ERBIN: variants seen among roughly 807,000 people sequenced by gnomAD.
ERBIN encodes the protein densin-180-like protein.
ERBIN carries 60 observed loss-of-function variants against 158.4 expected under a neutral mutation model. The observed-to-expected ratio is 0.38, with a 90% confidence interval of 0.31 to 0.47. The LOEUF is 0.47. Among genes scored for constraint, ERBIN ranks in the 20% least tolerant of loss-of-function variants. The pLI is 0.99. For synonymous variants in ERBIN, 594 were observed against 557.2 expected, an observed-to-expected ratio of 1.07 and a Z score of -0.93; for missense variants, 1,610 against 1,648.0, an observed-to-expected ratio of 0.98 and a Z score of 0.40.
chr5:65,956,844 C>T (rs1159021965), intron 1 of ERBIN, among the ~76,000 whole-genome samples: 1 of 152,002 alleles, frequency 6.6e-6, no homozygotes, highest in Non-Finnish European at 1.5e-5. Context: ...TTAATAATTC[C>T]ACTTGAAGAT....
At chr5:65,967,998 A>G (rs1464120387) in intron 1 of ERBIN, among the ~76,000 whole-genome samples, 1 of 152,248 alleles carries the variant, frequency 6.6e-6, no homozygotes, top group Non-Finnish European at 1.5e-5. Context: ...CTAAGTGGCA[A>G]CTGTATTAGC....
chr5:65,953,574 T>C (rs1746761066), intron 1 of ERBIN, among the ~76,000 whole-genome samples: 1 of 152,142 alleles, frequency 6.6e-6, no homozygotes, highest in South Asian at 2.1e-4. Flanking sequence ...ATACTCTACC[T>C]TGGGAAAATT....
intron 2 of ERBIN, among the ~76,000 whole-genome samples, chr5:65,992,379 C>CCT (rs1444262126): frequency 6.6e-6 from 1 of 152,064 alleles, no homozygotes; most frequent in Non-Finnish European, 1.5e-5. Context: ...CATCTCCTGA[C>CCT]CTCGTGTTCC....
chr5:66,030,773 A>G (rs1322507404), intron 14 of ERBIN, among the ~76,000 whole-genome samples: 1 of 150,476 alleles, frequency 6.6e-6, no homozygotes, highest in Non-Finnish European at 1.5e-5. Context: ...ATCTCATGAT[A>G]TTGCCCAGGC....
At chr5:66,061,246 A>G (rs1367499335) in intron 21 of ERBIN, among the ~76,000 whole-genome samples, 2 of 150,492 alleles carry the variant, frequency 1.3e-5, no homozygotes, top group Non-Finnish European at 2.9e-5. Context: ...GGGTGCATAT[A>G]TATTTAGGAT....
At chr5:66,050,699 A>G (rs1561425900) in intron 19 of ERBIN, 84 bp from the exon 20 acceptor site, 10 of 811,680 alleles carry the variant, frequency 1.2e-5, no homozygotes. Context: ...CCAGGATGGT[A>G]TAATTGCCAT....
intron 1 of ERBIN, among the ~76,000 whole-genome samples, chr5:65,963,178 A>C (rs992918868): frequency 5.3e-5 from 8 of 152,172 alleles, no homozygotes; most frequent in Non-Finnish European, 1.0e-4. Flanking sequence ...ATTCTCATAG[A>C]TCCATCCAAA....
chr5:65,943,285 A>G (rs543537471), intron 1 of ERBIN, among the ~76,000 whole-genome samples: 1 of 152,254 alleles, frequency 6.6e-6, no homozygotes, highest in Non-Finnish European at 1.5e-5. Context: ...CTCTCTAATC[A>G]GGCACTTGCA....
intron 1 of ERBIN, among the ~76,000 whole-genome samples, chr5:65,966,468 G>T (rs115127632): frequency 0.011 from 1,696 of 152,156 alleles, 26 homozygotes; most frequent in African/African-American, 0.038. Context: ...ATCACCTGTG[G>T]TCGGAAGATT....
chr5:65,957,205 TA>T (rs1057242987), intron 1 of ERBIN, among the ~76,000 whole-genome samples: 5 of 151,340 alleles, frequency 3.3e-5, no homozygotes, highest in African/African-American at 1.2e-4. Context: ...ATTTTTTTTT[TA>T]AATTTTTATT....
At chr5:65,975,907 G>C (rs1205453785) in intron 1 of ERBIN, among the ~76,000 whole-genome samples, 1 of 152,164 alleles carries the variant, frequency 6.6e-6, no homozygotes, top group South Asian at 2.1e-4. Flanking sequence ...GTTTCTCTTT[G>C]TAAGGATAGA....
At chr5:65,976,761 A>G (rs1383038083) in intron 1 of ERBIN, among the ~76,000 whole-genome samples, 5 of 151,658 alleles carry the variant, frequency 3.3e-5, no homozygotes, top group African/African-American at 4.9e-5. Context: ...AACAAAGCAC[A>G]TCTTGCACCG....
chr5:66,050,840 A>G lies in ERBIN; in HGVS notation c.1961A>G (p.Asn654Ser). The change falls in exon 20 of 26, where the codon AAT becomes AGT. Residue 654 changes from asparagine (N) to serine (S), a missense_variant. This residue lies in a region of ERBIN where 1,014 missense variants were observed against 936.1 expected (regional missense o/e 1.08). Coordinates refer to ENST00000284037, the MANE Select transcript of ERBIN (RefSeq NM_001253697.2). The part of the protein sequence containing the change: ...SDEVTHNSNQ[N>S]NSNCSSPSRM... The stretch of plus-strand genomic sequence containing the variant: ...GAAGTTACACACAATAGCAATCAGA[A>G]TAACAGCAATTGTTCTTCTCCATCT... The G allele has an allele frequency of 1.2e-6, 2 of 1,602,238 alleles. No homozygotes were observed. Among genetic ancestry groups the G allele is most frequent in the South Asian group, 1.1e-5 (1 of 88,578 alleles).
chr5:66,078,584 AC>A lies in ERBIN; in HGVS notation c.*55del. 9.8e-7 allele frequency: 1 copy of A among 1,018,614 alleles called. No individual in the cohort carries two copies. The allele number at this position is 1,018,614 out of a possible 1,614,324, so 63.1% of individuals were successfully genotyped here. ...CAGCAAGATTTATTGGAAGATACTT[AC>A]AGGGGAAATTAATATTTTGACTATT... On this transcript the variant is annotated 3_prime_UTR_variant, in exon 26 of 26. Coordinates refer to ENST00000284037, the MANE Select transcript of ERBIN (RefSeq NM_001253697.2).
intron 21 of ERBIN, 28 bp from the exon 22 acceptor site, chr5:66,072,141 T>C (rs1466166449): frequency 7.8e-6 from 12 of 1,544,354 alleles, no homozygotes; most frequent in Non-Finnish European, 1.0e-5. Context: ...GAACATTATT[T>C]GTTTACTTTT....
intron 7 of ERBIN, among the ~76,000 whole-genome samples, chr5:66,015,064 T>C (rs1228685116): frequency 1.3e-5 from 2 of 152,176 alleles, no homozygotes; most frequent in Non-Finnish European, 2.9e-5. Flanking sequence ...CACATAGTGC[T>C]CATTAGAAAG....
intron 4 of ERBIN, among the ~76,000 whole-genome samples, chr5:66,004,275 G>A (rs1051459245): frequency 2.0e-5 from 3 of 152,048 alleles, no homozygotes; most frequent in Non-Finnish European, 2.9e-5. Context: ...AGAAGTATAC[G>A]TCAAAGAAGA....
At chr5:65,986,492 G>A (rs753791694) in intron 1 of ERBIN, among the ~76,000 whole-genome samples, 9 of 152,162 alleles carry the variant, frequency 5.9e-5, no homozygotes, top group Non-Finnish European at 1.2e-4. Context: ...AAACACACAC[G>A]TTAAACACGT....
At chr5:66,021,950 G>A (rs1037873932) in intron 8 of ERBIN, among the ~76,000 whole-genome samples, 3 of 151,712 alleles carry the variant, frequency 2.0e-5, no homozygotes, top group Non-Finnish European at 4.4e-5. Flanking sequence ...TTTTCCAAAA[G>A]AACTCAGAAA....
Sources: gnomAD v4.1 joint callset for allele counts (sites outside exome capture counted in the v4.1 genomes callset) on GRCh38, gnomAD v4.1.1 for gene constraint, gnomAD v4.1.1 regional missense constraint, MANE v1.5 for transcripts, NCBI Gene and HGNC (gene_info 2026-07-23, HGNC 2026-07-21) for gene names.